The following ASTN2 variants were observed in gnomAD, a reference collection of about 807,000 sequenced individuals.
The protein encoded by ASTN2 is astrotactin 2.
Under a neutral mutation model 139.8 loss-of-function variants are expected in ASTN2, and 54 were observed. The ratio of observed to expected loss-of-function variants is 0.39; its 90% CI spans 0.31 to 0.48. The LOEUF is 0.48. Among genes scored for constraint, ASTN2 ranks in the 20% least tolerant of loss-of-function variants. The pLI is 0.95. For synonymous variants in ASTN2, 756 were observed against 719.5 expected (o/e 1.05, Z -0.81); for missense variants, 1,565 against 1,725.1 (o/e 0.91, Z 1.64).
chr9:116,502,141 ATG>A (rs35212715), intron 19 of ASTN2, among the ~76,000 whole-genome samples: 2 of 150,758 alleles, frequency 1.3e-5, no homozygotes, highest in African/African-American at 2.4e-5. Context: ...AGATTTCCAA[ATG>A]TGTGTGTGTG....
At chr9:116,690,481 A>AGG (rs1860511207) in intron 16 of ASTN2, among the ~76,000 whole-genome samples, 1 of 152,194 alleles carries the variant, frequency 6.6e-6, no homozygotes, top group African/African-American at 2.4e-5. Context: ...TGGAAGCCAG[A>AGG]AGTTTATAAG....
intron 10 of ASTN2, among the ~76,000 whole-genome samples, chr9:116,964,166 T>G (rs959239329): frequency 6.6e-6 from 1 of 151,920 alleles, no homozygotes; most frequent in Non-Finnish European, 1.5e-5. Flanking sequence ...ACAGATCAAT[T>G]AATTATTCAT....
chr9:116,897,594 G>A (rs3889344), intron 10 of ASTN2, among the ~76,000 whole-genome samples: 36,280 of 152,074 alleles, frequency 0.24, 7,045 homozygotes, highest in African/African-American at 0.53. Context: ...ATACTCTTCA[G>A]TTAGGACATC....
chr9:117,413,225 A>G (rs1831218919), intron 1 of ASTN2, among the ~76,000 whole-genome samples: 1 of 152,234 alleles, frequency 6.6e-6, no homozygotes, highest in African/African-American at 2.4e-5. Flanking sequence ...GGCTACCAGG[A>G]GAGTGGAGCG....
chr9:117,146,789 G>GA (rs983091284), intron 3 of ASTN2, among the ~76,000 whole-genome samples: 2 of 152,000 alleles, frequency 1.3e-5, no homozygotes, highest in African/African-American at 4.8e-5. Flanking sequence ...TGTTCTATGA[G>GA]AAAAAAAATT....
intron 16 of ASTN2, among the ~76,000 whole-genome samples, chr9:116,720,305 G>A (rs1263903947): frequency 6.6e-6 from 1 of 152,174 alleles, no homozygotes; most frequent in Non-Finnish European, 1.5e-5. Flanking sequence ...TTTAAAAGTG[G>A]CGACATGTAT....
chr9:117,133,062 G>A (rs985174996), intron 4 of ASTN2, among the ~76,000 whole-genome samples: 3 of 152,144 alleles, frequency 2.0e-5, no homozygotes, highest in African/African-American at 4.8e-5. Context: ...GGGCAGGGTT[G>A]GGGTTCAAAC....
intron 11 of ASTN2, among the ~76,000 whole-genome samples, chr9:116,859,031 T>C (rs1832811805): frequency 6.6e-6 from 1 of 152,208 alleles, no homozygotes; most frequent in Non-Finnish European, 1.5e-5. Context: ...TCTTTCTCTT[T>C]GCTTTTCCAG....
intron 20 of ASTN2, among the ~76,000 whole-genome samples, chr9:116,443,963 T>C (rs991153146): frequency 2.0e-5 from 3 of 152,216 alleles, no homozygotes; most frequent in African/African-American, 7.2e-5. Flanking sequence ...TACATACTTG[T>C]ACTTAATAAA....
intron 10 of ASTN2, among the ~76,000 whole-genome samples, chr9:116,955,864 G>T (rs913094538): frequency 6.6e-6 from 1 of 152,178 alleles, no homozygotes. Context: ...ATGAGCAAGA[G>T]AAATAAGCCA....
At chr9:117,297,571 C>T (rs1012153311) in intron 1 of ASTN2, among the ~76,000 whole-genome samples, 1 of 152,144 alleles carries the variant, frequency 6.6e-6, no homozygotes, top group African/African-American at 2.4e-5. Flanking sequence ...ATGAAGGGAG[C>T]ATTTACAAAG....
chr9:116,668,803 T>C (rs1425585964), intron 16 of ASTN2, among the ~76,000 whole-genome samples: 1 of 152,132 alleles, frequency 6.6e-6, no homozygotes, highest in Admixed American at 6.5e-5. Flanking sequence ...GAATGCAGTA[T>C]TTTGCTAGGA....
chr9:117,181,514 C>T (rs1167670770), intron 3 of ASTN2, among the ~76,000 whole-genome samples: 2 of 152,102 alleles, frequency 1.3e-5, no homozygotes, highest in Non-Finnish European at 2.9e-5. Flanking sequence ...TTGTAAATGG[C>T]CACCGAGTGA....
chr9:116,765,207 C>T lies in ASTN2; in HGVS notation c.2397-31684G>A, dbSNP rs552691466. 7.9e-5 allele frequency among the ~76,000 whole-genome samples: 12 copies of T among 152,240 alleles called. 1 individual carries two copies. In the East Asian group the frequency reaches 1.9e-3, roughly 25 times the overall value. ...GATATGGCAGAGCAGCCTAATGAAC[C>T]TTTCCTTGCAGAGAAAGCCCTGTTC... On this transcript the variant is annotated intron_variant, in intron 13 of 22. Coordinates refer to ENST00000313400, the MANE Select transcript of ASTN2 (RefSeq NM_001365068.1).
chr9:117,156,432 C>A (rs1830434885), intron 3 of ASTN2, among the ~76,000 whole-genome samples: 1 of 152,016 alleles, frequency 6.6e-6, no homozygotes, highest in Non-Finnish European at 1.5e-5. Flanking sequence ...TAATTCTTTG[C>A]TGTGGAAACT....
At chr9:117,270,554 G>A (rs1834039543) in intron 2 of ASTN2, among the ~76,000 whole-genome samples, 1 of 152,056 alleles carries the variant, frequency 6.6e-6, no homozygotes, top group Non-Finnish European at 1.5e-5. Flanking sequence ...GCTACCACAG[G>A]GCATTCCTAA....
chr9:117,033,198 A>C (rs1421518843), intron 6 of ASTN2, among the ~76,000 whole-genome samples: 1 of 152,138 alleles, frequency 6.6e-6, no homozygotes, highest in Non-Finnish European at 1.5e-5. Flanking sequence ...TATGGCTCCA[A>C]AACAAAATAT....
chr9:116,461,812 A>G lies in ASTN2; in HGVS notation c.3498-19259T>C, dbSNP rs557174380. 3.9e-5 allele frequency among the ~76,000 whole-genome samples: 6 copies of G among 152,284 alleles called. No individual in the cohort carries two copies. The South Asian group carries it at 1.0e-3, about 26-fold the overall frequency. On this transcript the variant is annotated intron_variant, in intron 20 of 22. Coordinates refer to ENST00000313400, the MANE Select transcript of ASTN2 (RefSeq NM_001365068.1). ...TTAATGCTTTGTTATGTTATGCACT[A>G]AAGTTTTTGTGTTAACTCAGCATAG...
chr9:116,645,913 A>C (rs1857566747), intron 17 of ASTN2, among the ~76,000 whole-genome samples: 1 of 152,234 alleles, frequency 6.6e-6, no homozygotes, highest in South Asian at 2.1e-4. Flanking sequence ...GGAGTTACCA[A>C]AGGAAACATA....
Sources: gnomAD v4.1 joint callset for allele counts (sites outside exome capture counted in the v4.1 genomes callset) on GRCh38, gnomAD v4.1.1 for gene constraint, MANE v1.5 for transcripts, NCBI Gene and HGNC (gene_info 2026-07-23, HGNC 2026-07-21) for gene names.